The following ARRDC2 variants were observed in gnomAD, a reference collection of about 807,000 sequenced individuals.
ARRDC2 encodes the protein arrestin domain-containing protein 2.
ARRDC2 carries 39 observed loss-of-function variants against 38.9 expected under a neutral mutation model. The observed-to-expected ratio is 1.00, with a 90% CI of 0.78 to 1.31. The LOEUF (loss-of-function observed/expected upper bound fraction) is 1.31. Among genes scored for constraint, ARRDC2 ranks in the 50% most tolerant of loss-of-function variants. ARRDC2 has a pLI of 0.00. For synonymous variants in ARRDC2, 300 were observed against 261.9 expected (o/e 1.15, Z -1.41); for missense variants, 553 against 588.4 (o/e 0.94, Z 0.62).
chr19:18,008,898 G>A lies in ARRDC2; in HGVS notation c.342-73G>A, dbSNP rs973657078. ...ACTCTCCCCCTGGGAGGCCCCCGGA[G>A]TGTCTGTGTCTCCTTCTCCCTGCCT... On this transcript the variant is annotated intron_variant, in intron 2 of 7. Transcript: ENST00000222250. 5.1e-5 allele frequency: 81 copies of A among 1,601,548 alleles called. No individual in the cohort carries two copies. The Middle Eastern group carries it at 1.2e-3, about 23-fold the overall frequency.
upstream of ARRDC2, among the ~76,000 whole-genome samples, chr19:18,006,298 C>G (rs1246231059): frequency 6.6e-6 from 1 of 152,046 alleles, no homozygotes. Context: ...GAGGTTGTAG[C>G]GAGCCGAGAT....
rs989043228 is a variant in ARRDC2, at chr19:18,013,253, C to T, written c.*287C>T. On this transcript the variant is annotated 3_prime_UTR_variant, in exon 8 of 8. Transcript: ENST00000222250. Reference sequence around the variant, plus strand: ...CCCAGCCAATTGGTGGTGCTGGAATCCCCTAGGAGCCTTCAGTCTGGGAGA... The same window carrying T: ...CCCAGCCAATTGGTGGTGCTGGAATTCCCTAGGAGCCTTCAGTCTGGGAGA... 2.6e-6 allele frequency: 1 copy of T among 389,062 alleles called. No individual in the cohort carries two copies. The highest frequency in any genetic ancestry group is 4.5e-5 in the Admixed American group (1 of 22,172). The allele number at this position is 389,062 out of a possible 1,614,324, so 24.1% of individuals were successfully genotyped here.
chr19:18,004,071 C>T (rs1231138886), upstream of ARRDC2, among the ~76,000 whole-genome samples: 1 of 150,948 alleles, frequency 6.6e-6, no homozygotes, highest in Admixed American at 6.6e-5. Context: ...CCATGCCCGG[C>T]CCCCATCTCT....
chr19:18,012,423 C>G (rs2033432752), intron 7 of ARRDC2, among the ~76,000 whole-genome samples: 1 of 151,808 alleles, frequency 6.6e-6, no homozygotes, highest in Non-Finnish European at 1.5e-5. Flanking sequence ...CAGGTCTCTA[C>G]CAAAAATACA....
Position 18,009,691 on chromosome 19 carries a change from C to A in ARRDC2, c.589C>A (p.Pro197Thr). 6.2e-7 allele frequency: 1 copy of A among 1,612,094 alleles called. No individual in the cohort carries two copies. Among genetic ancestry groups the A allele is most frequent in the Non-Finnish European group, 8.5e-7 (1 of 1,178,714 alleles). ...SAKIDRKGYT[P>T]GEVIPVFAEI... ...CAAGATCGACCGCAAGGGCTACACC[C>A]CAGGTAGCAGGCGGACCGGACTGGG... The change falls in exon 4 of 8, where the codon CCA (proline) becomes ACA (threonine). Residue 197 changes from proline (P) to threonine (T), a missense_variant. Pro to Thr is a conservative substitution (Grantham distance 38). Transcript: ENST00000222250.
At position 18,009,979 on chromosome 19, in the gene ARRDC2, C is replaced by A; in HGVS notation, c.789C>A (p.Ile263=). The A allele has an allele frequency of 1.2e-6, 2 of 1,602,624 alleles. No homozygotes were observed. Among genetic ancestry groups the A allele is most frequent in the South Asian group, 1.1e-5 (1 of 91,034 alleles). Residue 263 remains isoleucine, a synonymous_variant, in exon 5 of 8, where the codon ATC becomes ATA. Coordinates refer to ENST00000222250, the MANE Select transcript of ARRDC2 (RefSeq NM_015683.2). ...RALWQGRALR[I]PPVGPSILHC... is the part of the protein sequence containing the mutation. Reference sequence around the variant, plus strand: ...TGTGGCAGGGCCGGGCACTGCGGATCCCCCCAGTGGGTCCTTCCATCCTGC... The same window carrying A: ...TGTGGCAGGGCCGGGCACTGCGGATACCCCCAGTGGGTCCTTCCATCCTGC...
chr19:18,004,245 CTT>C (rs34248029), upstream of ARRDC2, among the ~76,000 whole-genome samples: 22 of 114,762 alleles, frequency 1.9e-4, no homozygotes, highest in African/African-American at 2.0e-4. Context: ...GCCGGGCTAA[CTT>C]TTTTTTTTTT....
At chr19:18,010,798 A>G (rs1373792215) in intron 7 of ARRDC2, 69 bp downstream of exon 7, 4 of 1,524,884 alleles carry the variant, frequency 2.6e-6, no homozygotes, top group Non-Finnish European at 2.7e-6. Context: ...GGTGGCAGAC[A>G]TAGTAGATGG....
At chr19:18,008,897 A>G (rs1368210165) in intron 2 of ARRDC2, 74 bp from the exon 3 acceptor site, 33 of 1,600,554 alleles carry the variant, frequency 2.1e-5, no homozygotes, top group Admixed American at 3.3e-5. Flanking sequence ...AGGCCCCCGG[A>G]GTGTCTGTGT....
chr19:18,006,852 G>A (rs933816016), upstream of ARRDC2, among the ~76,000 whole-genome samples: 2 of 152,060 alleles, frequency 1.3e-5, no homozygotes, highest in Non-Finnish European at 2.9e-5. Flanking sequence ...TTCTCCTCCC[G>A]GACTTAACGG....
chr19:18,008,116 A>ACGCC, upstream of ARRDC2: 87 of 522,496 alleles, frequency 1.7e-4, no homozygotes, highest in Non-Finnish European at 2.3e-4. Flanking sequence ...AGAGACGGTG[A>ACGCC]CCCCACCCCC....
upstream of ARRDC2, chr19:18,008,166 CG>C: frequency 1.5e-6 from 2 of 1,360,708 alleles, no homozygotes; most frequent in Non-Finnish European, 1.9e-6. Flanking sequence ...ACGCACGGCG[CG>C]GGGATTTTCT....
At chr19:18,011,657 G>A (rs2033414211) in intron 7 of ARRDC2, among the ~76,000 whole-genome samples, 1 of 151,906 alleles carries the variant, frequency 6.6e-6, no homozygotes, top group South Asian at 2.1e-4. Context: ...CTTGAGGCCA[G>A]AAGTATAAGA....
upstream of ARRDC2, chr19:18,007,582 C>T (rs1235077047): frequency 6.5e-6 from 1 of 152,806 alleles, no homozygotes; most frequent in Non-Finnish European, 1.5e-5. Context: ...TTTCTCCCGG[C>T]TCTACAGAGG....
In ARRDC2 at chr19:18,001,624, C is replaced by A. The variant is rs187802526; in HGVS notation, c.259+51C>A. 3.5e-4 allele frequency: 448 copies of A among 1,288,722 alleles called. No homozygotes were observed. In the African/African-American group the frequency reaches 6.5e-3, roughly 19 times the overall value. 79.8% of individuals were successfully genotyped at this position (1,288,722 alleles called of 1,614,324 possible). On this transcript the variant is annotated intron_variant, in intron 1 of 7. Transcript: ENST00000379656. ...GCAGCAGCCGGGACCCCCTCGGCCG[C>A]GACCCTCTTCAGGGCCGGAAGCCTC...
chr19:18,004,770 C>T (rs1239651810), upstream of ARRDC2, among the ~76,000 whole-genome samples: 2 of 150,486 alleles, frequency 1.3e-5, no homozygotes, highest in Admixed American at 6.6e-5. Flanking sequence ...GAGGCTGAGG[C>T]GGGCAGATCG....
At position 18,008,252 on chromosome 19, in the gene ARRDC2, T is replaced by C; in HGVS notation, c.-59T>C. On this transcript the variant is annotated 5_prime_UTR_variant, in exon 1 of 8. Coordinates refer to ENST00000222250, the MANE Select transcript of ARRDC2 (RefSeq NM_015683.2). ...AGGCTGCAGCGTCGGCATCTTGAGCTGCCGGTTCGCGAGTTCGAGGCCAGG... is the reference window on the plus strand; with the variant it reads ...AGGCTGCAGCGTCGGCATCTTGAGCCGCCGGTTCGCGAGTTCGAGGCCAGG... 6.4e-7 allele frequency: 1 copy of C among 1,562,870 alleles called. No individual in the cohort carries two copies. The highest frequency in any genetic ancestry group is 1.9e-5 in the Admixed American group (1 of 53,680).
intron 3 of ARRDC2, 90 bp from the exon 4 acceptor site, chr19:18,009,502 C>G (rs369791848): frequency 8.3e-7 from 1 of 1,205,388 alleles, no homozygotes; most frequent in Non-Finnish European, 1.2e-6. Context: ...GCCCAAAGTC[C>G]TCCCTCAGCT....
upstream of ARRDC2, among the ~76,000 whole-genome samples, chr19:18,006,399 T>G (rs1309822710): frequency 1.3e-5 from 2 of 152,100 alleles, no homozygotes; most frequent in Non-Finnish European, 2.9e-5. Flanking sequence ...CTGAGGCTGG[T>G]GGATCACTCG....
Sources: gnomAD v4.1 joint callset for allele counts (sites outside exome capture counted in the v4.1 genomes callset) on GRCh38, gnomAD v4.1.1 for gene constraint, MANE v1.5 for transcripts, NCBI Gene and HGNC (gene_info 2026-07-23, HGNC 2026-07-21) for gene names.